The following NYAP2 variants were observed in gnomAD, a reference collection of about 807,000 sequenced individuals.
NYAP2 encodes the protein neuronal tyrosine-phosphorylated phosphoinositide-3-kinase adapter 2.
In NYAP2, 23 loss-of-function variants were observed where a neutral mutation model predicts 50.4. That is an observed-to-expected ratio of 0.46 (90% CI 0.33 to 0.65). The LOEUF is 0.65. Among genes scored for constraint, NYAP2 ranks in the 30% least tolerant of loss-of-function variants. The pLI is 0.02. For missense variants in NYAP2, 885 were observed against 861.0 expected (o/e 1.03, Z -0.35); for synonymous variants, 394 against 365.2 (o/e 1.08, Z -0.90).
chr2:225,582,203 C>G lies in NYAP2; in HGVS notation c.786C>G (p.Asp262Glu), dbSNP rs1692288989. Residue 262 changes from aspartate to glutamate, a missense_variant, in exon 5 of 7, where the codon GAC becomes GAG. Physicochemically the swap from Asp to Glu is conservative, Grantham distance 45. Transcript: ENST00000636099. This position sits in a 1 kb window ranked among gnomAD's most constrained non-coding sequence, Gnocchi z 7.0. ...GAGACTTCAGGAAGGAGGACGATGACCAGAGCGAGGCCGTCTACGAGGAAA... is the reference window on the plus strand; with the variant it reads ...GAGACTTCAGGAAGGAGGACGATGAGCAGAGCGAGGCCGTCTACGAGGAAA... 2 of 1,614,038 alleles carry G rather than the reference C, an allele frequency of 1.2e-6. No individual in the cohort carries two copies. The highest frequency in any genetic ancestry group is 2.2e-5 in the South Asian group (2 of 91,086).
At chr2:225,625,113 T>A (rs1693187857) in intron 5 of NYAP2, among the ~76,000 whole-genome samples, 1 of 142,128 alleles carries the variant, frequency 7.0e-6, no homozygotes, top group African/African-American at 2.6e-5. Context: ...TCTAAAAAAA[T>A]TCCTTATTTG....
intron 3 of NYAP2, among the ~76,000 whole-genome samples, chr2:225,487,546 G>A (rs1690324124): frequency 6.6e-6 from 1 of 151,960 alleles, no homozygotes; most frequent in South Asian, 2.1e-4. Context: ...TTTTAGTAGA[G>A]ACAGGGTTTC....
chr2:225,472,461 T>C (rs1402628059), intron 3 of NYAP2, among the ~76,000 whole-genome samples: 1 of 152,204 alleles, frequency 6.6e-6, no homozygotes, highest in Non-Finnish European at 1.5e-5. Flanking sequence ...ATAAGTGCAT[T>C]GCAGCCTGAC....
At chr2:225,686,034 C>G in the NYAP2 span, among the ~76,000 whole-genome samples, 3 of 152,024 alleles carry the variant, frequency 2.0e-5, no homozygotes, top group Admixed American at 2.0e-4. Flanking sequence ...ACTTATTACA[C>G]CTGTATGTAT....
chr2:225,495,535 C>T (rs888154052), intron 3 of NYAP2, among the ~76,000 whole-genome samples: 1 of 152,134 alleles, frequency 6.6e-6, no homozygotes, highest in Non-Finnish European at 1.5e-5. Flanking sequence ...TACCCCTAAT[C>T]TCTATGTTTT....
intron 5 of NYAP2, among the ~76,000 whole-genome samples, chr2:225,602,693 T>A (rs1255421655): frequency 6.6e-6 from 1 of 152,192 alleles, no homozygotes; most frequent in African/African-American, 2.4e-5. Context: ...GGATATTCAG[T>A]TTTCCAAACC....
At chr2:225,528,109 G>T (rs567391473) in intron 4 of NYAP2, among the ~76,000 whole-genome samples, 4 of 152,270 alleles carry the variant, frequency 2.6e-5, no homozygotes, top group Non-Finnish European at 4.4e-5. Flanking sequence ...ATTATACAGG[G>T]TATAAACTCC....
intron 4 of NYAP2, among the ~76,000 whole-genome samples, chr2:225,521,952 G>T (rs958099040): frequency 1.3e-5 from 2 of 152,024 alleles, no homozygotes; most frequent in African/African-American, 4.8e-5. Context: ...CAATTTCAGA[G>T]CCTGTTATTG....
At chr2:225,530,102 T>TA (rs1456978988) in intron 4 of NYAP2, among the ~76,000 whole-genome samples, 1 of 151,426 alleles carries the variant, frequency 6.6e-6, no homozygotes, top group Non-Finnish European at 1.5e-5. Flanking sequence ...ATAAAATTAT[T>TA]TTTTTTTTAA....
At chr2:225,515,145 A>C (rs1473381167) in intron 4 of NYAP2, among the ~76,000 whole-genome samples, 2 of 152,206 alleles carry the variant, frequency 1.3e-5, no homozygotes, top group East Asian at 3.8e-4. Flanking sequence ...CAGTCCATAA[A>C]TTCTACAAAA....
chr2:225,597,512 A>AATT (rs1553554328), intron 5 of NYAP2, among the ~76,000 whole-genome samples: 3 of 46,218 alleles, frequency 6.5e-5, no homozygotes, highest in African/African-American at 1.8e-4. Context: ...TCCAAGGAGA[A>AATT]ATATATATAT....
chr2:225,651,699 T>G (rs1693735606), exon 7 of NYAP2: 2 of 885,078 alleles, frequency 2.3e-6, no homozygotes, highest in Admixed American at 5.3e-5. Context: ...TGGCAGTCTG[T>G]GTTTTCATTT....
In NYAP2 at chr2:225,536,394, CT is replaced by C. The variant is rs1691350717; in HGVS notation, c.523+22725del. Among the ~76,000 whole-genome samples, 5 of 152,184 alleles carry C rather than the reference CT, an allele frequency of 3.3e-5. 1 individual carries two copies. The South Asian group carries it at 1.0e-3, about 32-fold the overall frequency. ...AAATGGTGGCCTATTTCCCCCTGGC[CT>C]TTGGGAAATTCTTCCCATCCTTCAA... On this transcript the variant is annotated intron_variant, in intron 4 of 6. Transcript: ENST00000636099.
intron 3 of NYAP2, among the ~76,000 whole-genome samples, chr2:225,470,668 A>C (rs1001609770): frequency 6.6e-5 from 10 of 152,328 alleles, no homozygotes; most frequent in Middle Eastern, 3.4e-3. Flanking sequence ...TAAAGTGTGA[A>C]TAGCCAACTC....
chr2:225,528,793 T>C (rs1159685007), intron 4 of NYAP2, among the ~76,000 whole-genome samples: 2 of 152,242 alleles, frequency 1.3e-5, no homozygotes, highest in Non-Finnish European at 2.9e-5. Context: ...TGTTAATTTA[T>C]GCTGTGTACC....
the NYAP2 span, among the ~76,000 whole-genome samples, chr2:225,682,365 G>T: frequency 5.9e-5 from 9 of 152,146 alleles, no homozygotes; most frequent in African/African-American, 2.2e-4. Flanking sequence ...ATGAGTAAAA[G>T]CTGTTAAAAT....
At chr2:225,484,503 C>T (rs1240616422) in intron 3 of NYAP2, among the ~76,000 whole-genome samples, 2 of 152,156 alleles carry the variant, frequency 1.3e-5, no homozygotes, top group Non-Finnish European at 2.9e-5. Context: ...AGTATTTTCT[C>T]TTGATTACAG....
exon 6 of NYAP2, chr2:225,627,009 T>C (rs1693222162): frequency 6.3e-7 from 1 of 1,592,262 alleles, no homozygotes. Flanking sequence ...GGCGTCTTCC[T>C]CCAGAGAGCC....
intron 3 of NYAP2, among the ~76,000 whole-genome samples, chr2:225,462,664 C>T (rs1044372924): frequency 4.6e-5 from 7 of 152,130 alleles, no homozygotes; most frequent in African/African-American, 1.2e-4. Context: ...TCCCTGACTT[C>T]GCAAATGTGA....
Sources: gnomAD v4.1 joint callset for allele counts (sites outside exome capture counted in the v4.1 genomes callset) on GRCh38, gnomAD v4.1.1 for gene constraint, Gnocchi (gnomAD v3.1) non-coding constraint, MANE v1.5 for transcripts, NCBI Gene and HGNC (gene_info 2026-07-23, HGNC 2026-07-21) for gene names.